Variants in PCDHA1 observed in about 807,000 individuals in gnomAD.
PCDHA1 encodes protocadherin alpha-1.
In PCDHA1, 42 loss-of-function variants were observed where a neutral mutation model predicts 61.3. The observed-to-expected ratio is 0.69, with a 90% CI of 0.54 to 0.89. PCDHA1 has a LOEUF of 0.89. Among genes scored for constraint, PCDHA1 ranks in the 40% least tolerant of loss-of-function variants. The pLI is 0.00. For synonymous variants in PCDHA1, 610 were observed against 553.8 expected, an observed-to-expected ratio of 1.10 and a Z score of -1.43; for missense variants, 1,256 against 1,235.3, an observed-to-expected ratio of 1.02 and a Z score of -0.25.
chr5:140,851,092 A>G (rs371116217), intron 1 of PCDHA1: 2 of 1,292,902 alleles, frequency 1.5e-6, no homozygotes, highest in East Asian at 5.4e-5. Context: ...TATTAAATAG[A>G]TATTTTTTGG....
At chr5:140,858,510 T>A (rs565313627) in intron 1 of PCDHA1, 1 of 1,437,158 alleles carries the variant, frequency 7.0e-7, no homozygotes. Context: ...TTCTCAAATA[T>A]GTATCAGAAT....
At chr5:140,973,272 TC>T (rs1412629943) in intron 1 of PCDHA1, among the ~76,000 whole-genome samples, 1 of 152,134 alleles carries the variant, frequency 6.6e-6, no homozygotes, top group African/African-American at 2.4e-5. Flanking sequence ...TACTTTTATT[TC>T]CCCCAGCACT....
chr5:140,853,247 C>G (rs985398812), intron 1 of PCDHA1: 3 of 975,930 alleles, frequency 3.1e-6, no homozygotes, highest in African/African-American at 3.5e-5. Context: ...ATATTAATCT[C>G]TATTCTCTCT....
intron 1 of PCDHA1, chr5:140,803,139 C>G (rs2149967376): frequency 6.2e-7 from 1 of 1,613,886 alleles, no homozygotes; most frequent in Non-Finnish European, 8.5e-7. Flanking sequence ...CCATCGCCTA[C>G]TGGTGCTGGT....
Position 140,978,960 on chromosome 5 carries a change from C to G in PCDHA1, c.2406C>G (p.Pro802=), listed in dbSNP as rs560855761. The G allele has an allele frequency of 2.6e-5, 42 of 1,614,120 alleles. No homozygotes were observed. The highest frequency in any genetic ancestry group is 2.5e-4 in the African/African-American group (19 of 75,024). The change falls in exon 2 of 4, where the codon CCC becomes CCG. Residue 802 remains proline, a synonymous_variant. Coordinates refer to ENST00000504120, the MANE Select transcript of PCDHA1 (RefSeq NM_018900.4). ...TTGTGATTTTGCAGCCACGACAGCC[C>G]AACCCTGACTGGCGTTACTCTGCCT... ...NLDLSGNPRQ[P]NPDWRYSASL...
intron 1 of PCDHA1, among the ~76,000 whole-genome samples, chr5:140,895,711 T>C (rs2065121989): frequency 6.6e-6 from 1 of 152,216 alleles, no homozygotes; most frequent in African/African-American, 2.4e-5. Flanking sequence ...CTTGGGATAA[T>C]GGCCTGCACC....
chr5:140,928,258 G>A lies in PCDHA1; in HGVS notation c.2395-50691G>A, dbSNP rs782503341. 15 of 1,614,094 alleles carry A rather than the reference G, an allele frequency of 9.3e-6. No individual in the cohort carries two copies. The Admixed American group carries it at 2.0e-4, about 22-fold the overall frequency. On this transcript the variant is annotated intron_variant, in intron 1 of 3. Transcript: ENST00000504120. The stretch of plus-strand genomic sequence containing the variant: ...ACCCCAGCAGGAACTTTTCGTTGCT[G>A]AAAACAATGGCCCTGGGGCCTCTCT...
Position 140,851,565 on chromosome 5 carries a change from G to T in PCDHA1, c.2394+62881G>T, listed in dbSNP as rs558874725. Reference sequence around the variant, plus strand: ...TTCAAGAAATGTTGACTGAAATTTTGTCTACACTTAGAACATTTTTTGAAA... The same window carrying T: ...TTCAAGAAATGTTGACTGAAATTTTTTCTACACTTAGAACATTTTTTGAAA... On this transcript the variant is annotated intron_variant, in intron 1 of 3. Transcript: ENST00000504120. The T allele has an allele frequency of 3.3e-6, 3 of 908,000 alleles. No homozygotes were observed. In the African/African-American group the frequency reaches 5.4e-5, roughly 16 times the overall value. 56.2% of individuals were successfully genotyped at this position (908,000 alleles called of 1,614,324 possible).
intron 1 of PCDHA1, among the ~76,000 whole-genome samples, chr5:140,959,768 A>G (rs1554224322): frequency 6.6e-6 from 1 of 152,240 alleles, no homozygotes; most frequent in African/African-American, 2.4e-5. Flanking sequence ...ATATTCAGTA[A>G]GAACAGTGTA....
chr5:140,823,254 G>T (rs2150123985), intron 1 of PCDHA1: 22 of 1,613,170 alleles, frequency 1.4e-5, no homozygotes, highest in African/African-American at 4.0e-5. Context: ...CCTACTCGCT[G>T]GTGGAGCGGC....
rs777744369 is a variant in PCDHA1, at chr5:140,803,545, G to A, written c.2394+14861G>A. ...AGCCTTCCTCCTTGTCCAATTAGCCGGGATAGAGAGGAGAAACAGGATGTG... is the reference window on the plus strand; with the variant it reads ...AGCCTTCCTCCTTGTCCAATTAGCCAGGATAGAGAGGAGAAACAGGATGTG... On this transcript the variant is annotated intron_variant, in intron 1 of 3. Coordinates refer to ENST00000504120, the MANE Select transcript of PCDHA1 (RefSeq NM_018900.4). 120 of 1,614,176 alleles carry A rather than the reference G, an allele frequency of 7.4e-5. No homozygotes were observed. Among genetic ancestry groups the A allele is most frequent in the Non-Finnish European group, 9.8e-5 (116 of 1,180,020 alleles).
At chr5:140,926,155 T>TGCAGCAGGATCCAGCGCGGAAAGCCCC (rs1563077309) in intron 1 of PCDHA1, among the ~76,000 whole-genome samples, 3 of 152,076 alleles carry the variant, frequency 2.0e-5, no homozygotes, top group African/African-American at 4.8e-5. Context: ...CGGAAAGCTC[T>TGCAGCAGGATCCAGCGCGGAAAGCCCC]GCAGCAGGAT....
At chr5:140,967,371 A>C in intron 1 of PCDHA1, 1 of 1,607,094 alleles carries the variant, frequency 6.2e-7, no homozygotes, top group Non-Finnish European at 8.5e-7. Context: ...CCCCTGCAGG[A>C]GAACAGTAAA....
chr5:140,938,734 AT>A (rs1207782725), intron 1 of PCDHA1, among the ~76,000 whole-genome samples: 1 of 152,136 alleles, frequency 6.6e-6, no homozygotes, highest in Admixed American at 6.5e-5. Flanking sequence ...ACAGAAAAAA[AT>A]AATTATTTTT....
intron 1 of PCDHA1, chr5:140,841,428 C>T (rs2150315251): frequency 3.7e-6 from 6 of 1,612,842 alleles, no homozygotes; most frequent in Admixed American, 1.7e-5. Context: ...TACTCCGTCC[C>T]CGAGGAGGCC....
intron 1 of PCDHA1, among the ~76,000 whole-genome samples, chr5:140,917,545 C>G (rs1049973588): frequency 6.6e-6 from 1 of 152,212 alleles, no homozygotes; most frequent in Non-Finnish European, 1.5e-5. Flanking sequence ...TTAGGTTTTA[C>G]ATTTAACTCT....
intron 1 of PCDHA1, among the ~76,000 whole-genome samples, chr5:140,941,191 T>TTTTC (rs1217097209): frequency 2.1e-5 from 2 of 93,206 alleles, no homozygotes; most frequent in African/African-American, 7.9e-5. Flanking sequence ...GCTTCTTTTT[T>TTTTC]TTTCTTTCTT....
At chr5:140,835,693 C>T (rs1773848999) in intron 1 of PCDHA1, 1 of 1,613,754 alleles carries the variant, frequency 6.2e-7, no homozygotes, top group African/African-American at 1.3e-5. Flanking sequence ...TCTCTGTGGG[C>T]CACTGCTAGC....
intron 1 of PCDHA1, chr5:140,834,394 C>A (rs2150216490): frequency 1.3e-6 from 2 of 1,596,908 alleles, no homozygotes; most frequent in Admixed American, 1.7e-5. Flanking sequence ...ATGGTGTGCC[C>A]GAATGGATAC....
Sources: gnomAD v4.1 joint callset for allele counts (sites outside exome capture counted in the v4.1 genomes callset) on GRCh38, gnomAD v4.1.1 for gene constraint, MANE v1.5 for transcripts, NCBI Gene and HGNC (gene_info 2026-07-23, HGNC 2026-07-21) for gene names.